SAMD3: variants seen among roughly 807,000 people sequenced by gnomAD.
The protein encoded by SAMD3 is sterile alpha motif domain containing 3, also known as sterile alpha motif domain-containing protein 3.
In SAMD3, 63 loss-of-function variants were observed where a neutral mutation model predicts 58.5. The observed-to-expected ratio is 1.08, with a 90% CI of 0.88 to 1.33. The LOEUF is 1.33. Among genes scored for constraint, SAMD3 ranks in the 40% most tolerant of loss-of-function variants. The pLI, the probability that SAMD3 is intolerant of heterozygous loss-of-function variation, is 0.00. For synonymous variants in SAMD3, 220 were observed against 210.3 expected (o/e 1.05, Z -0.40); for missense variants, 604 against 608.4 (o/e 0.99, Z 0.08).
chr6:130,195,496 TG>T (rs1794013235), intron 5 of SAMD3, among the ~76,000 whole-genome samples: 2 of 152,216 alleles, frequency 1.3e-5, no homozygotes, highest in African/African-American at 4.8e-5. Flanking sequence ...TCAACCAAAT[TG>T]TTTTGCCTAT....
intron 2 of SAMD3, among the ~76,000 whole-genome samples, chr6:130,274,055 AT>A (rs2114940379): frequency 6.6e-6 from 1 of 152,266 alleles, no homozygotes; most frequent in South Asian, 2.1e-4. Context: ...TACCTTTAGA[AT>A]TTTTATAAAG....
chr6:130,173,160 G>A (rs939916917), intron 8 of SAMD3, among the ~76,000 whole-genome samples: 1 of 152,140 alleles, frequency 6.6e-6, no homozygotes, highest in African/African-American at 2.4e-5. Flanking sequence ...TTAGCTCAGA[G>A]GAGTTTGTTA....
At chr6:130,343,203 G>A (rs1777323838) in intron 1 of SAMD3, among the ~76,000 whole-genome samples, 1 of 151,736 alleles carries the variant, frequency 6.6e-6, no homozygotes, top group Admixed American at 6.6e-5. Flanking sequence ...TCATTTCACT[G>A]AAAGCTCGGA....
At chr6:130,157,346 T>A (rs979247140) in intron 8 of SAMD3, among the ~76,000 whole-genome samples, 1 of 150,032 alleles carries the variant, frequency 6.7e-6, no homozygotes. Flanking sequence ...GCTAACATAT[T>A]TTTTTTTTTT....
intron 1 of SAMD3, among the ~76,000 whole-genome samples, chr6:130,318,470 C>T (rs1288848812): frequency 6.6e-6 from 1 of 152,060 alleles, no homozygotes; most frequent in African/African-American, 2.4e-5. Context: ...ACTCTGTCGC[C>T]CAGGCTGGTG....
At chr6:130,192,550 C>T (rs375852465) in intron 5 of SAMD3, among the ~76,000 whole-genome samples, 19 of 152,136 alleles carry the variant, frequency 1.2e-4, no homozygotes, top group Admixed American at 7.2e-4. Flanking sequence ...GAGAACAACC[C>T]CCCTTTTTCC....
intron 1 of SAMD3, among the ~76,000 whole-genome samples, chr6:130,344,933 C>T (rs921537298): frequency 1.3e-5 from 2 of 150,744 alleles, no homozygotes; most frequent in African/African-American, 4.9e-5. Flanking sequence ...CCTATGCCCA[C>T]CCCCCTCCAT....
chr6:130,359,951 G>C (rs1777937211), intron 1 of SAMD3, among the ~76,000 whole-genome samples: 1 of 152,198 alleles, frequency 6.6e-6, no homozygotes, highest in African/African-American at 2.4e-5. Flanking sequence ...GGAATAGGAA[G>C]ATCCAGTTTC....
chr6:130,240,641 T>G (rs903537573), intron 2 of SAMD3, among the ~76,000 whole-genome samples: 1 of 152,152 alleles, frequency 6.6e-6, no homozygotes, highest in Non-Finnish European at 1.5e-5. Flanking sequence ...TTTTGGGAAG[T>G]GTGTAGGTTG....
chr6:130,195,484 T>TATC (rs1794012481), intron 5 of SAMD3, among the ~76,000 whole-genome samples: 1 of 152,192 alleles, frequency 6.6e-6, no homozygotes, highest in Non-Finnish European at 1.5e-5. Flanking sequence ...ATCTGCGCCT[T>TATC]ATCAACCAAA....
At chr6:130,253,290 G>T (rs900389525) in intron 2 of SAMD3, among the ~76,000 whole-genome samples, 1 of 152,238 alleles carries the variant, frequency 6.6e-6, no homozygotes, top group Admixed American at 6.5e-5. Flanking sequence ...TCTCTCGGAG[G>T]CAGAAAGAAT....
At chr6:130,269,748 T>C (rs1432246496) in intron 2 of SAMD3, among the ~76,000 whole-genome samples, 1 of 151,792 alleles carries the variant, frequency 6.6e-6, no homozygotes, top group African/African-American at 2.4e-5. Flanking sequence ...TCCTTCCTTC[T>C]GCTTGCTTTG....
intron 8 of SAMD3, among the ~76,000 whole-genome samples, chr6:130,175,138 T>C (rs1791602905): frequency 6.6e-6 from 1 of 152,256 alleles, no homozygotes; most frequent in Admixed American, 6.5e-5. Flanking sequence ...GAGATTTCAC[T>C]TTCATACTTG....
At chr6:130,302,031 A>G (rs1775764495) in intron 2 of SAMD3, among the ~76,000 whole-genome samples, 1 of 152,168 alleles carries the variant, frequency 6.6e-6, no homozygotes, top group Non-Finnish European at 1.5e-5. Context: ...TAGACAAAGA[A>G]TTTATGACTA....
At chr6:130,242,425 C>T (rs894962640) in intron 2 of SAMD3, among the ~76,000 whole-genome samples, 9 of 152,164 alleles carry the variant, frequency 5.9e-5, no homozygotes, top group African/African-American at 1.9e-4. Flanking sequence ...AAATTATACA[C>T]GAAAAGTTCT....
In SAMD3 at chr6:130,348,821, G is replaced by A. The variant is rs1205390738; in HGVS notation, c.-304+16299C>T. ...CACCTATTCCAAAATTGACCACATA[G>A]TTGGAAGTAAAGCACTCCTCAGCAA... On this transcript the variant is annotated intron_variant, in intron 1 of 13. Transcript: ENST00000368134. 1.9e-3 allele frequency among the ~76,000 whole-genome samples: 284 copies of A among 152,140 alleles called. 1 individual carries two copies. Among genetic ancestry groups the A allele is most frequent in the Middle Eastern group, 0.01 (3 of 294 alleles).
intron 2 of SAMD3, among the ~76,000 whole-genome samples, chr6:130,274,104 A>G (rs1774685567): frequency 6.6e-6 from 1 of 152,152 alleles, no homozygotes; most frequent in African/African-American, 2.4e-5. Flanking sequence ...GTTTTCATTT[A>G]TCTAGGACAA....
At chr6:130,346,518 T>C (rs953377997) in intron 1 of SAMD3, among the ~76,000 whole-genome samples, 1 of 152,076 alleles carries the variant, frequency 6.6e-6, no homozygotes, top group Non-Finnish European at 1.5e-5. Flanking sequence ...GCAGTGAGGA[T>C]GGGGGAGGGG....
chr6:130,299,425 T>C (rs971406735), intron 2 of SAMD3, among the ~76,000 whole-genome samples: 2 of 152,012 alleles, frequency 1.3e-5, no homozygotes, highest in African/African-American at 4.8e-5. Context: ...CAAATGAGAA[T>C]GGAGACACAA....
Sources: gnomAD v4.1 joint callset for allele counts (sites outside exome capture counted in the v4.1 genomes callset) on GRCh38, gnomAD v4.1.1 for gene constraint, MANE v1.5 for transcripts, NCBI Gene and HGNC (gene_info 2026-07-23, HGNC 2026-07-21) for gene names.